GPC5: variants seen among roughly 807,000 people sequenced by gnomAD.
GPC5 encodes the protein glypican 5.
GPC5 carries 47 observed loss-of-function variants against 53.9 expected under a neutral mutation model. The observed-to-expected ratio is 0.87, with a 90% CI of 0.69 to 1.11. GPC5 has a LOEUF of 1.11. Among genes scored for constraint, GPC5 ranks in the 50% most tolerant of loss-of-function variants. The pLI, the probability that GPC5 is intolerant of heterozygous loss-of-function variation, is 0.00. For missense variants in GPC5, 748 were observed against 713.1 expected (o/e 1.05, Z -0.56); for synonymous variants, 286 against 263.3 (o/e 1.09, Z -0.84).
chr13:92,210,396 C>A (rs1448092258), intron 7 of GPC5, among the ~76,000 whole-genome samples: 5 of 152,102 alleles, frequency 3.3e-5, no homozygotes, highest in Admixed American at 3.3e-4. Flanking sequence ...GACAATTCTT[C>A]TTGAGAATTG....
intron 7 of GPC5, among the ~76,000 whole-genome samples, chr13:92,242,791 C>A (rs1436375904): frequency 6.6e-6 from 1 of 152,042 alleles, no homozygotes; most frequent in African/African-American, 2.4e-5. Context: ...AGCCCCAATA[C>A]TAGGCATTTT....
chr13:91,897,230 A>T (rs1174673447), intron 5 of GPC5, among the ~76,000 whole-genome samples: 1 of 152,102 alleles, frequency 6.6e-6, no homozygotes, highest in African/African-American at 2.4e-5. Flanking sequence ...GGTTGTTTTC[A>T]TTAAGAAAAA....
intron 7 of GPC5, among the ~76,000 whole-genome samples, chr13:92,732,705 T>G (rs1341487235): frequency 2.0e-5 from 3 of 151,748 alleles, no homozygotes; most frequent in African/African-American, 7.2e-5. Flanking sequence ...ATGAAAGAAG[T>G]TAATCAGTTC....
chr13:92,514,650 A>C (rs994976189), intron 7 of GPC5, among the ~76,000 whole-genome samples: 1 of 152,204 alleles, frequency 6.6e-6, no homozygotes, highest in Non-Finnish European at 1.5e-5. Flanking sequence ...TGCCCAATCC[A>C]GAGCCTGCCC....
intron 7 of GPC5, among the ~76,000 whole-genome samples, chr13:92,344,051 G>A (rs1186236379): frequency 6.7e-6 from 1 of 150,230 alleles, no homozygotes; most frequent in Admixed American, 6.7e-5. Flanking sequence ...GGAGTGGGGA[G>A]GTTAGAATCT....
intron 6 of GPC5, among the ~76,000 whole-genome samples, chr13:92,135,465 A>C (rs1176485997): frequency 6.6e-6 from 1 of 152,154 alleles, no homozygotes; most frequent in Non-Finnish European, 1.5e-5. Flanking sequence ...AACGACACAA[A>C]TTCATAATAA....
At chr13:92,183,759 T>C (rs2042164040) in intron 7 of GPC5, among the ~76,000 whole-genome samples, 1 of 152,094 alleles carries the variant, frequency 6.6e-6, no homozygotes, top group Non-Finnish European at 1.5e-5. Context: ...TCAAGTTTTA[T>C]GATGCTTTTT....
intron 7 of GPC5, among the ~76,000 whole-genome samples, chr13:92,351,345 A>G (rs2043475653): frequency 6.6e-6 from 1 of 151,766 alleles, no homozygotes; most frequent in South Asian, 2.1e-4. Context: ...AAATAACACA[A>G]TTTATCAGAA....
intron 6 of GPC5, among the ~76,000 whole-genome samples, chr13:91,912,519 T>C (rs560966498): frequency 4.2e-4 from 64 of 152,188 alleles, no homozygotes; most frequent in Non-Finnish European, 8.2e-4. Context: ...TAATTATACA[T>C]ATAAATACAT....
At chr13:92,850,020 C>T (rs893173276) in intron 7 of GPC5, among the ~76,000 whole-genome samples, 6 of 152,114 alleles carry the variant, frequency 3.9e-5, no homozygotes, top group East Asian at 1.9e-4. Flanking sequence ...GGCAAGACCC[C>T]GGAAATGTTC....
intron 2 of GPC5, among the ~76,000 whole-genome samples, chr13:91,586,098 A>G (rs2032556219): frequency 6.7e-6 from 1 of 149,474 alleles, no homozygotes; most frequent in African/African-American, 2.4e-5. Context: ...ATTGTCTTGC[A>G]TGTACTGTCC....
chr13:92,150,196 A>G (rs1185392114), intron 7 of GPC5, among the ~76,000 whole-genome samples: 1 of 151,902 alleles, frequency 6.6e-6, no homozygotes, highest in Admixed American at 6.6e-5. Context: ...AGACATTGAA[A>G]GTAATCTTGA....
At chr13:91,581,797 A>C (rs1043648897) in intron 2 of GPC5, among the ~76,000 whole-genome samples, 2 of 152,132 alleles carry the variant, frequency 1.3e-5, no homozygotes, top group African/African-American at 2.4e-5. Flanking sequence ...TGTCTCACAC[A>C]CACACCCACA....
intron 6 of GPC5, among the ~76,000 whole-genome samples, chr13:91,945,818 C>T (rs1208281671): frequency 1.3e-5 from 2 of 151,932 alleles, no homozygotes; most frequent in Admixed American, 6.5e-5. Context: ...TTGCCACCAA[C>T]CTCCCTTCAA....
At chr13:91,965,739 A>G (rs1309215964) in intron 6 of GPC5, among the ~76,000 whole-genome samples, 3 of 152,138 alleles carry the variant, frequency 2.0e-5, no homozygotes, top group African/African-American at 7.2e-5. Flanking sequence ...TAATCACTTC[A>G]TCGTTATGGA....
At position 92,413,818 on chromosome 13, in the gene GPC5, G is replaced by A. The variant is rs78217745; in HGVS notation, c.1561+268829G>A. On this transcript the variant is annotated intron_variant, in intron 7 of 7. Coordinates refer to ENST00000377067, the MANE Select transcript of GPC5 (RefSeq NM_004466.6). ...CAAAAGCAGGATGAGAAGAGGGGCT[G>A]AGATGAGGCTATTTGAGAGATTAAA... 3.9e-3 allele frequency among the ~76,000 whole-genome samples: 597 copies of A among 152,288 alleles called. 1 individual carries two copies. The highest frequency in any genetic ancestry group is 0.013 in the African/African-American group (555 of 41,574).
intron 6 of GPC5, among the ~76,000 whole-genome samples, chr13:91,928,064 C>T (rs1327233611): frequency 6.6e-6 from 1 of 152,150 alleles, no homozygotes; most frequent in Non-Finnish European, 1.5e-5. Flanking sequence ...AGACACATAT[C>T]CACATATTCT....
At chr13:91,764,972 G>T (rs2037493902) in intron 5 of GPC5, among the ~76,000 whole-genome samples, 1 of 152,144 alleles carries the variant, frequency 6.6e-6, no homozygotes, top group Non-Finnish European at 1.5e-5. Flanking sequence ...CCATGTGATG[G>T]TAATGTTTTG....
intron 1 of GPC5, among the ~76,000 whole-genome samples, chr13:91,409,025 T>G (rs1481681488): frequency 6.6e-6 from 1 of 152,204 alleles, no homozygotes; most frequent in African/African-American, 2.4e-5. Flanking sequence ...CTGGATGTCC[T>G]TGTTCATTAC....
Sources: allele counts gnomAD v4.1 joint callset (sites outside exome capture counted in the v4.1 genomes callset), GRCh38; gene constraint gnomAD v4.1.1; transcripts MANE v1.5; gene names NCBI Gene and HGNC (gene_info 2026-07-23, HGNC 2026-07-21).